Variants in CAMTA1 observed in about 807,000 individuals in gnomAD.
CAMTA1 encodes the protein calmodulin binding transcription activator 1, also known as calmodulin-binding transcription activator 1.
A neutral mutation model predicts 170.9 loss-of-function variants in CAMTA1; 27 were observed. The observed-to-expected ratio is 0.16, with a 90% CI of 0.12 to 0.22. The LOEUF (loss-of-function observed/expected upper bound fraction) is 0.22, where lower values mean the gene tolerates loss of function less well. CAMTA1 is among the 10% of genes least tolerant of loss of function. The pLI is 1.00. For synonymous variants in CAMTA1, 833 were observed against 891.5 expected, an observed-to-expected ratio of 0.93 and a Z score of 1.17; for missense variants, 1,619 against 2,217.2, an observed-to-expected ratio of 0.73 and a Z score of 5.42.
At chr1:7,131,024 G>T (rs1240205052) in intron 4 of CAMTA1, among the ~76,000 whole-genome samples, 1 of 151,756 alleles carries the variant, frequency 6.6e-6, no homozygotes, top group Non-Finnish European at 1.5e-5. Flanking sequence ...CACGATCTCG[G>T]CTCACTGCAA....
At chr1:7,474,193 A>G (rs571075604) in intron 6 of CAMTA1, among the ~76,000 whole-genome samples, 1 of 127,488 alleles carries the variant, frequency 7.8e-6, no homozygotes, top group Non-Finnish European at 1.7e-5. Flanking sequence ...CAGTTAGCTC[A>G]TCCATAAAAT....
intron 1 of CAMTA1, among the ~76,000 whole-genome samples, chr1:6,818,065 G>A (rs6700891): frequency 0.12 from 18,577 of 152,174 alleles, 1,685 homozygotes; most frequent in Admixed American, 0.28. Flanking sequence ...ACTCAGGCGC[G>A]GTGGGTCATG....
intron 6 of CAMTA1, among the ~76,000 whole-genome samples, chr1:7,542,841 G>T (rs11120965): frequency 0.29 from 3,315 of 11,408 alleles, 167 homozygotes; most frequent in African/African-American, 0.45. Context: ...AAAACACAGT[G>T]TGTGTGTGTG....
chr1:7,761,490 G>A (rs946912006), intron 22 of CAMTA1, among the ~76,000 whole-genome samples: 12 of 151,954 alleles, frequency 7.9e-5, no homozygotes, highest in African/African-American at 1.5e-4. Flanking sequence ...TGAATGAGTC[G>A]AACAGTTGTA....
chr1:7,488,610 TA>T (rs765491892), intron 6 of CAMTA1, among the ~76,000 whole-genome samples: 2 of 152,056 alleles, frequency 1.3e-5, no homozygotes, highest in Non-Finnish European at 2.9e-5. Context: ...ATGATACATG[TA>T]ACACATACAC....
chr1:6,887,527 A>C lies in CAMTA1; in HGVS notation c.234+62317A>C. 7.2e-7 allele frequency: 1 copy of C among 1,389,220 alleles called. No homozygotes were observed. The highest frequency in any genetic ancestry group is 9.6e-7 in the Non-Finnish European group (1 of 1,044,132). The allele number at this position is 1,389,220 out of a possible 1,614,324, so 86.1% of individuals were successfully genotyped here. A position where few individuals can be genotyped will look rare whatever the true frequency, so the allele number is the denominator to read the frequency against. Reference sequence around the variant, plus strand: ...ATACGTATGTGTGTGTTTAATATATACTTTAGTTTGCCTTTACCCAGATGT... The same window carrying C: ...ATACGTATGTGTGTGTTTAATATATCCTTTAGTTTGCCTTTACCCAGATGT... On this transcript the variant is annotated intron_variant, in intron 3 of 22. Coordinates refer to ENST00000303635, the MANE Select transcript of CAMTA1 (RefSeq NM_015215.4). This position sits in a 1 kb window ranked among gnomAD's most constrained non-coding sequence, Gnocchi z 4.1.
intron 1 of CAMTA1, among the ~76,000 whole-genome samples, chr1:6,795,794 T>G (rs778754145): frequency 6.6e-6 from 1 of 152,232 alleles, no homozygotes; most frequent in Non-Finnish European, 1.5e-5. Context: ...ATGAATCTGA[T>G]TCTTCTAAAT....
chr1:7,608,972 CAGAAGT>C (rs2095505141), intron 6 of CAMTA1, among the ~76,000 whole-genome samples: 1 of 152,060 alleles, frequency 6.6e-6, no homozygotes, highest in Non-Finnish European at 1.5e-5. Flanking sequence ...AAATTCTAAG[CAGAAGT>C]GAGGGCAGGA....
rs201203098 is a variant in CAMTA1, at chr1:6,991,071, G to GT, written c.235-100224dup. ...CAAGTATCAGTAGTTTGTATCAGTA[G>GT]TTTTTTTTTCCTTTTTATTGAGAGT... is the stretch of plus-strand genomic sequence containing the variant. On this transcript the variant is annotated intron_variant, in intron 3 of 22. Transcript: ENST00000303635. 5.4e-3 allele frequency among the ~76,000 whole-genome samples: 814 copies of GT among 151,100 alleles called. 7 individuals are homozygous for GT. Among genetic ancestry groups the GT allele is most frequent in the African/African-American group, 0.019 (778 of 41,174 alleles).
At chr1:7,462,548 C>T (rs991233746) in intron 5 of CAMTA1, among the ~76,000 whole-genome samples, 1 of 152,224 alleles carries the variant, frequency 6.6e-6, no homozygotes, top group Non-Finnish European at 1.5e-5. Context: ...AACCACCACA[C>T]CCGGCCTAAC....
intron 6 of CAMTA1, among the ~76,000 whole-genome samples, chr1:7,529,800 G>A (rs1019938505): frequency 6.6e-6 from 1 of 152,242 alleles, no homozygotes; most frequent in Admixed American, 6.5e-5. Flanking sequence ...TGGAAATGGT[G>A]TAATGTAAAG....
intron 6 of CAMTA1, among the ~76,000 whole-genome samples, chr1:7,601,142 C>A (rs576220239): frequency 6.8e-6 from 1 of 146,450 alleles, no homozygotes; most frequent in Non-Finnish European, 1.5e-5. Flanking sequence ...CCGGACGGGG[C>A]GGCTGGCCGG....
chr1:6,885,779 T>G (rs1673039888), intron 3 of CAMTA1, among the ~76,000 whole-genome samples: 2 of 152,172 alleles, frequency 1.3e-5, no homozygotes, highest in African/African-American at 4.8e-5. Context: ...CCCACCCAGC[T>G]GCATCTCACC....
intron 3 of CAMTA1, among the ~76,000 whole-genome samples, chr1:6,939,499 C>G (rs1461894201): frequency 1.3e-5 from 2 of 152,198 alleles, no homozygotes; most frequent in Non-Finnish European, 2.9e-5. Context: ...CCCATGGGCT[C>G]TGGGCTCAGG....
intron 6 of CAMTA1, among the ~76,000 whole-genome samples, chr1:7,492,803 A>T (rs2093737058): frequency 7.1e-6 from 1 of 141,484 alleles, no homozygotes; most frequent in African/African-American, 2.8e-5. Context: ...ACCTACGTAT[A>T]CACATGCGCG....
chr1:7,281,292 A>C (rs144648158), intron 5 of CAMTA1, among the ~76,000 whole-genome samples: 1 of 152,296 alleles, frequency 6.6e-6, no homozygotes, highest in Admixed American at 6.5e-5. Context: ...TTTGGGTTTC[A>C]AGGTTGTAGG....
intron 3 of CAMTA1, among the ~76,000 whole-genome samples, chr1:7,045,564 G>GT (rs1201485030): frequency 1.3e-5 from 2 of 152,116 alleles, no homozygotes; most frequent in Non-Finnish European, 2.9e-5. Context: ...CATTAGAGCC[G>GT]TTACATCCTT....
intron 3 of CAMTA1, among the ~76,000 whole-genome samples, chr1:6,959,094 C>CCGACAATTCAAAAATAACAT (rs1689950290): frequency 6.6e-6 from 1 of 152,184 alleles, no homozygotes; most frequent in African/African-American, 2.4e-5. Flanking sequence ...GTCCTTGCTG[C>CCGACAATTCAAAAATAACAT]CGACAATTCA....
chr1:7,671,052 C>T lies in CAMTA1; in HGVS notation c.2779+15C>T, dbSNP rs1203971255. The T allele has an allele frequency of 6.2e-7, 1 of 1,612,188 alleles. No homozygotes were observed. ...CTACTGCCCAGGTGAGAAAGCCGCCCCCCAGGCCCCCAAGGTGAGTGTGAT... is the reference window on the plus strand; with the variant it reads ...CTACTGCCCAGGTGAGAAAGCCGCCTCCCAGGCCCCCAAGGTGAGTGTGAT... On this transcript the variant is annotated intron_variant, in intron 10 of 22. Coordinates refer to ENST00000303635, the MANE Select transcript of CAMTA1 (RefSeq NM_015215.4).
Sources: allele counts gnomAD v4.1 joint callset (sites outside exome capture counted in the v4.1 genomes callset), GRCh38; gene constraint gnomAD v4.1.1; non-coding constraint Gnocchi (gnomAD v3.1); transcripts MANE v1.5; gene names NCBI Gene and HGNC (gene_info 2026-07-23, HGNC 2026-07-21).